Variants in TTC39C observed in about 807,000 individuals in gnomAD.
TTC39C encodes tetratricopeptide repeat domain 39C, also known as tetratricopeptide repeat protein 39C.
Under a neutral mutation model 76.3 loss-of-function variants are expected in TTC39C, and 33 were observed. That is an observed-to-expected ratio of 0.43 (90% CI 0.33 to 0.58). The LOEUF (loss-of-function observed/expected upper bound fraction) is 0.58, where lower values mean the gene tolerates loss of function less well. Ranked by LOEUF, TTC39C falls within the 20% of genes least tolerant of loss-of-function variation. The pLI, the probability that TTC39C is intolerant of heterozygous loss-of-function variation, is 0.04. For synonymous variants in TTC39C, 254 were observed against 260.6 expected, an observed-to-expected ratio of 0.97 and a Z score of 0.24; for missense variants, 595 against 701.4, an observed-to-expected ratio of 0.85 and a Z score of 1.71.
chr18:24,054,021 A>G (rs181980242), intron 1 of TTC39C, among the ~76,000 whole-genome samples: 1 of 152,344 alleles, frequency 6.6e-6, no homozygotes. Context: ...AAAGGGATGC[A>G]TTAAAAATCT....
At position 24,095,867 on chromosome 18, in the gene TTC39C, A is replaced by G. The variant is rs577877420; in HGVS notation, c.984+12786A>G. Among the ~76,000 whole-genome samples the G allele has an allele frequency of 3.3e-5, 5 of 152,136 alleles. No individual in the cohort carries two copies. The South Asian group carries it at 8.3e-4, about 25-fold the overall frequency. On this transcript the variant is annotated intron_variant, in intron 6 of 13. Transcript: ENST00000317571. Reference sequence around the variant, plus strand: ...TGAGAGACTTACAGTTCTTCCTTTCACTTGAACACTCAGAGGCCATTGTAG... The same window carrying G: ...TGAGAGACTTACAGTTCTTCCTTTCGCTTGAACACTCAGAGGCCATTGTAG...
chr18:23,994,819 G>A (rs1160798649), intron 1 of TTC39C, among the ~76,000 whole-genome samples: 1 of 152,222 alleles, frequency 6.6e-6, no homozygotes, highest in Non-Finnish European at 1.5e-5. Flanking sequence ...CCAGGGCCAC[G>A]CGCTGATGCG....
At chr18:24,094,421 T>G (rs965224095) in intron 6 of TTC39C, among the ~76,000 whole-genome samples, 1 of 152,254 alleles carries the variant, frequency 6.6e-6, no homozygotes, top group Non-Finnish European at 1.5e-5. Flanking sequence ...ATCCATGTTC[T>G]TAATGGTGTT....
intron 1 of TTC39C, chr18:24,016,690 T>C (rs958395342): frequency 5.0e-6 from 2 of 398,444 alleles, no homozygotes; most frequent in African/African-American, 4.1e-5. Context: ...GTTGGAAAAC[T>C]CTCTCCCAGC....
Position 24,132,817 on chromosome 18 carries a change from A to C in TTC39C, c.*243A>C. The C allele has an allele frequency of 2.6e-6, 1 of 383,148 alleles. No homozygotes were observed. Among genetic ancestry groups the C allele is most frequent in the Non-Finnish European group, 4.6e-6 (1 of 216,494 alleles). The allele number at this position is 383,148 out of a possible 1,614,324, so 23.7% of individuals were successfully genotyped here. ...AACTAACCACCTGGGGAGAGGGTTA[A>C]GTGACCTTGCTCAAACGTTTTAGTT... On this transcript the variant is annotated 3_prime_UTR_variant, in exon 14 of 14. Coordinates refer to ENST00000317571, the MANE Select transcript of TTC39C (RefSeq NM_001135993.2).
intron 7 of TTC39C, among the ~76,000 whole-genome samples, chr18:24,116,126 A>G (rs1199566481): frequency 6.6e-6 from 1 of 152,120 alleles, no homozygotes; most frequent in Admixed American, 6.5e-5. Flanking sequence ...TTCCTGACTT[A>G]TTTCTGAGTT....
chr18:24,045,901 A>ATATATATGTATATGTATATGTATG (rs1427964136), intron 1 of TTC39C, among the ~76,000 whole-genome samples: 1 of 38,634 alleles, frequency 2.6e-5, no homozygotes, highest in African/African-American at 1.5e-4. Context: ...AAATATATAT[A>ATATATATGTATATGTATATGTATG]TATATATATA....
At chr18:24,011,679 G>A (rs991575116), upstream of TTC39C, among the ~76,000 whole-genome samples, 5 of 152,134 alleles carry the variant, frequency 3.3e-5, no homozygotes, top group African/African-American at 1.2e-4. Context: ...CTGATCATTT[G>A]AAATTAAAGT....
chr18:24,110,606 A>G (rs2084797132), intron 6 of TTC39C, among the ~76,000 whole-genome samples: 1 of 152,216 alleles, frequency 6.6e-6, no homozygotes, highest in African/African-American at 2.4e-5. Context: ...TAGAGAATAA[A>G]ATGGAGCAAC....
chr18:24,042,765 A>T (rs562664591), intron 1 of TTC39C, among the ~76,000 whole-genome samples: 1 of 152,338 alleles, frequency 6.6e-6, no homozygotes, highest in East Asian at 1.9e-4. Context: ...TTTAAGATGT[A>T]AAAAGACTCC....
intron 1 of TTC39C, among the ~76,000 whole-genome samples, chr18:24,052,078 G>A (rs931316351): frequency 8.5e-5 from 13 of 152,188 alleles, no homozygotes; most frequent in Non-Finnish European, 1.9e-4. Context: ...ACATATTCAT[G>A]TATCTTTAAA....
intron 1 of TTC39C, among the ~76,000 whole-genome samples, chr18:23,997,576 G>GAA (rs1568398666): frequency 1.2e-5 from 1 of 80,212 alleles, no homozygotes; most frequent in African/African-American, 5.2e-5. Flanking sequence ...AAAAAAAAAA[G>GAA]AGAAAGAAAG....
chr18:24,014,312 T>A (rs1404681427), upstream of TTC39C: 3 of 152,352 alleles, frequency 2.0e-5, no homozygotes, highest in Admixed American at 2.0e-4. Context: ...CCCCTTCCCT[T>A]TCCCTTTCCT....
intron 1 of TTC39C, among the ~76,000 whole-genome samples, chr18:24,052,317 G>A (rs919843666): frequency 6.6e-6 from 1 of 152,144 alleles, no homozygotes; most frequent in South Asian, 2.1e-4. Context: ...AAGAGCGGGC[G>A]TATTCTTGGT....
At chr18:24,083,607 T>C (rs915050962) in intron 6 of TTC39C, among the ~76,000 whole-genome samples, 8 of 152,190 alleles carry the variant, frequency 5.3e-5, no homozygotes, top group African/African-American at 1.9e-4. Context: ...AGAACAACCC[T>C]GTGACATAGG....
At chr18:24,077,569 G>T (rs79682219) in intron 4 of TTC39C, among the ~76,000 whole-genome samples, 4,602 of 152,040 alleles carry the variant, frequency 0.03, 95 homozygotes, top group South Asian at 0.092. Flanking sequence ...TTTTATTGTG[G>T]GCATTAGGCG....
At chr18:24,114,843 C>T in intron 7 of TTC39C, 196 bp downstream of exon 7, 1 of 490,472 alleles carries the variant, frequency 2.0e-6, no homozygotes, top group East Asian at 3.6e-5. Flanking sequence ...TTTTTCTTTA[C>T]AGCATTTTGA....
chr18:24,080,490 G>A, intron 4 of TTC39C, 95 bp from the exon 5 acceptor site: 1 of 903,080 alleles, frequency 1.1e-6, no homozygotes, highest in Non-Finnish European at 1.7e-6. Flanking sequence ...TACATTTTTG[G>A]CTTGATTTTC....
At position 24,114,911 on chromosome 18, in the gene TTC39C, T is replaced by C. The variant is rs2084871679; in HGVS notation, c.1078+264T>C. On this transcript the variant is annotated intron_variant, in intron 7 of 13. Coordinates refer to ENST00000317571, the MANE Select transcript of TTC39C (RefSeq NM_001135993.2). The stretch of plus-strand genomic sequence containing the variant: ...TGATTAAATGACCAGAAATACCTTA[T>C]TGGACTGCATTAGAATTCAAAGCTC... 9.5e-6 allele frequency: 3 copies of C among 315,418 alleles called. No homozygotes were observed. The South Asian group carries it at 1.1e-4, about 11-fold the overall frequency. 19.5% of individuals were successfully genotyped at this position (315,418 alleles called of 1,614,324 possible). A position where few individuals can be genotyped will look rare whatever the true frequency, so the allele number is the denominator to read the frequency against.
Sources: gnomAD v4.1 joint callset for allele counts (sites outside exome capture counted in the v4.1 genomes callset) on GRCh38, gnomAD v4.1.1 for gene constraint, MANE v1.5 for transcripts, NCBI Gene and HGNC (gene_info 2026-07-23, HGNC 2026-07-21) for gene names.